Variants in SAMTOR observed in about 807,000 individuals in gnomAD.
SAMTOR encodes the protein S-adenosylmethionine sensor upstream of mTORC1.
chr7:112,839,056 T>C, the SAMTOR span, among the ~76,000 whole-genome samples: 14 of 151,932 alleles, frequency 9.2e-5, no homozygotes, highest in South Asian at 2.9e-3. Flanking sequence ...CTGTACTACT[T>C]AGAGGAACAG....
chr7:112,892,406 T>G, the SAMTOR span, among the ~76,000 whole-genome samples: 1 of 152,176 alleles, frequency 6.6e-6, no homozygotes, highest in Non-Finnish European at 1.5e-5. Context: ...AAGGTTTTAA[T>G]GGACTTTGCC....
At chr7:112,893,465 T>G in the SAMTOR span, among the ~76,000 whole-genome samples, 1 of 152,292 alleles carries the variant, frequency 6.6e-6, no homozygotes, top group African/African-American at 2.4e-5. Context: ...CTCACCTCTC[T>G]TAGCCTTCAA....
chr7:112,824,636 C>T, the SAMTOR span, among the ~76,000 whole-genome samples: 1 of 152,150 alleles, frequency 6.6e-6, no homozygotes, highest in Admixed American at 6.5e-5. Context: ...GCTGGGATTA[C>T]AGGCATGATC....
the SAMTOR span, among the ~76,000 whole-genome samples, chr7:112,841,332 T>C: frequency 6.6e-6 from 1 of 152,088 alleles, no homozygotes; most frequent in Non-Finnish European, 1.5e-5. Flanking sequence ...CCATTCACAA[T>C]TGCTACAAAG....
At chr7:112,902,504 A>G in the SAMTOR span, among the ~76,000 whole-genome samples, 1 of 151,266 alleles carries the variant, frequency 6.6e-6, no homozygotes, top group African/African-American at 2.4e-5. Flanking sequence ...GGCCGGCACA[A>G]AGGATTTTTA....
the SAMTOR span, among the ~76,000 whole-genome samples, chr7:112,858,036 T>C: frequency 1.3e-5 from 2 of 152,086 alleles, no homozygotes; most frequent in Non-Finnish European, 2.9e-5. Context: ...GATGGTCTTT[T>C]TTGTTGCTCC....
chr7:112,916,473 C>A, the SAMTOR span, among the ~76,000 whole-genome samples: 1 of 152,098 alleles, frequency 6.6e-6, no homozygotes, highest in South Asian at 2.1e-4. Flanking sequence ...CCAAGATGGC[C>A]GAACAGGAAC....
chr7:112,827,198 A>G, the SAMTOR span, among the ~76,000 whole-genome samples: 1 of 152,158 alleles, frequency 6.6e-6, no homozygotes, highest in Non-Finnish European at 1.5e-5. Context: ...TGGGCAACAT[A>G]TATTTGGGTC....
chr7:112,910,935 A>C, the SAMTOR span, among the ~76,000 whole-genome samples: 3 of 152,176 alleles, frequency 2.0e-5, no homozygotes, highest in Admixed American at 1.3e-4. Flanking sequence ...AGAGATGAGA[A>C]TGCAAAGGGG....
chr7:112,845,576 A>C, the SAMTOR span, among the ~76,000 whole-genome samples: 1 of 152,226 alleles, frequency 6.6e-6, no homozygotes, highest in Non-Finnish European at 1.5e-5. Flanking sequence ...ATTATTAAAA[A>C]GTCAATAACA....
the SAMTOR span, among the ~76,000 whole-genome samples, chr7:112,910,030 G>C: frequency 7.2e-5 from 11 of 151,912 alleles, no homozygotes; most frequent in Admixed American, 5.3e-4. Flanking sequence ...GCCAGGTCTC[G>C]ACGAGGGGAA....
chr7:112,823,361 C>G, the SAMTOR span, among the ~76,000 whole-genome samples: 2 of 152,150 alleles, frequency 1.3e-5, no homozygotes. Context: ...AGATCCAACA[C>G]CCCATAATTT....
At chr7:112,832,053 C>A in the SAMTOR span, among the ~76,000 whole-genome samples, 1 of 151,444 alleles carries the variant, frequency 6.6e-6, no homozygotes, top group African/African-American at 2.4e-5. Flanking sequence ...ACTGTGTCAC[C>A]CAGGCTGGAG....
At chr7:112,918,251 G>C in the SAMTOR span, among the ~76,000 whole-genome samples, 34 of 152,268 alleles carry the variant, frequency 2.2e-4, no homozygotes, top group Middle Eastern at 3.4e-3. Flanking sequence ...CGGATCTCTC[G>C]GCAGAAACTC....
At chr7:112,886,898 G>C in the SAMTOR span, among the ~76,000 whole-genome samples, 1 of 152,168 alleles carries the variant, frequency 6.6e-6, no homozygotes, top group Non-Finnish European at 1.5e-5. Context: ...CAGGCACAGC[G>C]GCTCACTCCT....
At chr7:112,851,324 C>T in the SAMTOR span, among the ~76,000 whole-genome samples, 4 of 152,096 alleles carry the variant, frequency 2.6e-5, no homozygotes, top group Admixed American at 2.6e-4. Flanking sequence ...ATAACAAAAA[C>T]AGTGTGGTAT....
chr7:112,821,346 T>G, the SAMTOR span: 1 of 154,866 alleles, frequency 6.5e-6, no homozygotes, highest in Non-Finnish European at 1.4e-5. Flanking sequence ...ATTTAACTTG[T>G]GAGTCATCAA....
the SAMTOR span, among the ~76,000 whole-genome samples, chr7:112,841,707 A>C: frequency 1.3e-5 from 2 of 152,202 alleles, no homozygotes; most frequent in South Asian, 4.1e-4. Flanking sequence ...CCAAAACAGC[A>C]TGGTAGTGGT....
chr7:112,899,424 C>T, the SAMTOR span, among the ~76,000 whole-genome samples: 1 of 151,854 alleles, frequency 6.6e-6, no homozygotes, highest in Non-Finnish European at 1.5e-5. Flanking sequence ...AAGAAGAATG[C>T]TTACAAGTCT....
Sources: allele counts gnomAD v4.1 joint callset (sites outside exome capture counted in the v4.1 genomes callset), GRCh38; gene constraint gnomAD v4.1.1; transcripts MANE v1.5; gene names NCBI Gene and HGNC (gene_info 2026-07-23, HGNC 2026-07-21).